TPP2: variants seen among roughly 807,000 people sequenced by gnomAD.
TPP2 encodes the protein tripeptidyl peptidase 2.
TPP2 carries 34 observed loss-of-function variants against 155.9 expected under a neutral mutation model. That is an observed-to-expected ratio of 0.22 (90% CI 0.17 to 0.29). The LOEUF is 0.29. TPP2 is among the 10% of genes least tolerant of loss of function. The probability of loss-of-function intolerance (pLI) is 1.00; values close to 1 mark genes in which losing one functional copy is unlikely to be tolerated. For missense variants in TPP2, 1,028 were observed against 1,522.3 expected (o/e 0.68, Z 5.40); for synonymous variants, 510 against 529.4 (o/e 0.96, Z 0.50).
chr13:102,639,181 C>T (rs1882588681), intron 15 of TPP2, among the ~76,000 whole-genome samples: 1 of 152,030 alleles, frequency 6.6e-6, no homozygotes, highest in Non-Finnish European at 1.5e-5. Context: ...TCACTGTGAG[C>T]CCACCGAAGG....
chr13:102,668,872 G>A (rs924636670), intron 27 of TPP2, among the ~76,000 whole-genome samples: 1 of 152,182 alleles, frequency 6.6e-6, no homozygotes, highest in African/African-American at 2.4e-5. Context: ...CATCTCCCAG[G>A]TAATGTCTGG....
At chr13:102,604,770 A>G in intron 1 of TPP2, 23 bp from the exon 2 acceptor site, 2 of 1,603,434 alleles carry the variant, frequency 1.2e-6, no homozygotes, top group Non-Finnish European at 1.7e-6. Context: ...TACCATTCAT[A>G]TTTTAATTTT....
intron 3 of TPP2, among the ~76,000 whole-genome samples, chr13:102,616,116 C>G (rs1880701201): frequency 6.6e-6 from 1 of 152,128 alleles, no homozygotes; most frequent in South Asian, 2.1e-4. Flanking sequence ...GCCACCCCAC[C>G]TGGCTAATTT....
chr13:102,674,847 G>A (rs1239723803), intron 28 of TPP2, among the ~76,000 whole-genome samples: 2 of 152,198 alleles, frequency 1.3e-5, no homozygotes, highest in African/African-American at 2.4e-5. Flanking sequence ...GGTGGTAGGA[G>A]ATTGGGGGCA....
At chr13:102,623,947 T>A (rs1321048129) in intron 6 of TPP2, among the ~76,000 whole-genome samples, 1 of 152,212 alleles carries the variant, frequency 6.6e-6, no homozygotes, top group East Asian at 1.9e-4. Flanking sequence ...GCTATATAAA[T>A]AGTTGTTATA....
chr13:102,644,818 T>C (rs1052272603), intron 18 of TPP2, 91 bp from the exon 19 acceptor site: 3 of 1,487,556 alleles, frequency 2.0e-6, no homozygotes, highest in East Asian at 2.3e-5. Context: ...TGGGTACTTA[T>C]AAACTTTATA....
chr13:102,663,205 TG>T (rs1884364145), intron 25 of TPP2, among the ~76,000 whole-genome samples: 1 of 152,146 alleles, frequency 6.6e-6, no homozygotes, highest in African/African-American at 2.4e-5. Flanking sequence ...TGGAGTGCAG[TG>T]GTTTGATCTC....
chr13:102,639,296 A>G lies in TPP2; in HGVS notation c.1914-974A>G, dbSNP rs181541769. Among the ~76,000 whole-genome samples, 342 of 152,312 alleles carry G rather than the reference A, an allele frequency of 2.2e-3. 1 individual carries two copies. The highest frequency in any genetic ancestry group is 7.8e-3 in the African/African-American group (326 of 41,572). Reference sequence around the variant, plus strand: ...GGAAACCAAGTGGAAATTCTAAACTAACAGTTCTGTTACTCTGGTAAATAT... The same window carrying G: ...GGAAACCAAGTGGAAATTCTAAACTGACAGTTCTGTTACTCTGGTAAATAT... On this transcript the variant is annotated intron_variant, in intron 15 of 29. Coordinates refer to ENST00000376052, the MANE Select transcript of TPP2 (RefSeq NM_001330588.2).
chr13:102,654,386 C>T (rs1380885762), intron 24 of TPP2, among the ~76,000 whole-genome samples: 1 of 152,068 alleles, frequency 6.6e-6, no homozygotes, highest in Non-Finnish European at 1.5e-5. Flanking sequence ...TCATCATAAA[C>T]TTTCTTTGTC....
rs776777186 is a variant in TPP2, at chr13:102,629,600, A to G, written c.1135A>G (p.Ser379Gly). 6.5e-7 allele frequency: 1 copy of G among 1,547,866 alleles called. No individual in the cohort carries two copies. The highest frequency in any genetic ancestry group is 1.4e-5 in the African/African-American group (1 of 70,460). Residue 379 changes from serine (S) to glycine (G), a missense_variant, in exon 9 of 30, where the codon AGT becomes GGT. By Grantham distance (56) the Ser-to-Gly change is moderately conservative. This residue lies in a region of TPP2 where 63 missense variants were observed against 165.7 expected (regional missense o/e 0.38). Transcript: ENST00000376052. The stretch of plus-strand genomic sequence containing the variant: ...TGGTTGTCCAGGTGGAACTACATCA[A>G]GTGTGATAGGTTAGTTTCCTGTTTT... The part of the protein sequence containing the change: ...TVGCPGGTTS[S>G]VIGVGAYVSP...
intron 1 of TPP2, among the ~76,000 whole-genome samples, chr13:102,599,157 T>C (rs79232203): frequency 2.8e-4 from 42 of 152,320 alleles, no homozygotes; most frequent in African/African-American, 9.9e-4. Context: ...CCATGTGTAC[T>C]CAATATTTAG....
chr13:102,670,640 T>C (rs1032960227), intron 27 of TPP2, among the ~76,000 whole-genome samples: 25 of 152,324 alleles, frequency 1.6e-4, no homozygotes, highest in African/African-American at 5.8e-4. Context: ...CCCTTTTTGC[T>C]GCAGGAGTTA....
At chr13:102,606,284 A>G (rs982133673) in intron 2 of TPP2, among the ~76,000 whole-genome samples, 3 of 152,190 alleles carry the variant, frequency 2.0e-5, no homozygotes, top group Non-Finnish European at 2.9e-5. Flanking sequence ...GTGGCAGCAT[A>G]TTGGCTTTCT....
intron 24 of TPP2, 38 bp downstream of exon 24, chr13:102,651,435 C>G: frequency 6.4e-7 from 1 of 1,553,924 alleles, no homozygotes; most frequent in Non-Finnish European, 8.7e-7. Context: ...TGTCTTAAAG[C>G]CTTATTTGCA....
At chr13:102,642,942 C>T (rs1882862934) in intron 16 of TPP2, among the ~76,000 whole-genome samples, 1 of 152,186 alleles carries the variant, frequency 6.6e-6, no homozygotes, top group Non-Finnish European at 1.5e-5. Context: ...CATCTATGGA[C>T]AGCTTGCTGT....
chr13:102,661,205 A>G (rs116395521), intron 25 of TPP2, among the ~76,000 whole-genome samples: 538 of 151,756 alleles, frequency 3.5e-3, no homozygotes, highest in African/African-American at 0.012. Flanking sequence ...TGCAAGTTAC[A>G]TATTTGTAAG....
chr13:102,625,196 G>A lies in TPP2; in HGVS notation c.785-1816G>A, dbSNP rs377290500. On this transcript the variant is annotated intron_variant, in intron 6 of 29. Coordinates refer to ENST00000376052, the MANE Select transcript of TPP2 (RefSeq NM_001330588.2). The stretch of plus-strand genomic sequence containing the variant: ...TTTTTTTTTTTTGAGACAGAGTCTC[G>A]CTCTGTCGCCCAGGCTGGAGTGCAG... Among the ~76,000 whole-genome samples, 417 of 116,590 alleles carry A rather than the reference G, an allele frequency of 3.6e-3. 1 individual carries two copies. The highest frequency in any genetic ancestry group is 0.014 in the African/African-American group (393 of 28,546). The allele number at this position is 116,590 out of a possible 152,430, so 76.5% of individuals were successfully genotyped here.
At chr13:102,619,437 C>CA (rs10682969) in intron 5 of TPP2, among the ~76,000 whole-genome samples, 11,016 of 144,404 alleles carry the variant, frequency 0.076, 413 homozygotes, top group East Asian at 0.12. Flanking sequence ...AGGATTTCTG[C>CA]AAAAAAAAAA....
chr13:102,634,235 G>C, intron 11 of TPP2, 137 bp downstream of exon 11: 5 of 1,178,728 alleles, frequency 4.2e-6, no homozygotes, highest in Non-Finnish European at 5.9e-6. Context: ...AATAACTTAT[G>C]TGATAATGAT....
Sources: allele counts gnomAD v4.1 joint callset (sites outside exome capture counted in the v4.1 genomes callset), GRCh38; gene constraint gnomAD v4.1.1; regional missense constraint gnomAD v4.1.1; transcripts MANE v1.5; gene names NCBI Gene and HGNC (gene_info 2026-07-23, HGNC 2026-07-21).